Variants in KATNBL1 observed in about 807,000 individuals in gnomAD.
The protein encoded by KATNBL1 is katanin regulatory subunit B1 like 1.
In KATNBL1, 28 loss-of-function variants were observed where a neutral mutation model predicts 44.7. The observed-to-expected ratio is 0.63, with a 90% CI of 0.46 to 0.86. KATNBL1 has a LOEUF of 0.86. Ranked by LOEUF, KATNBL1 falls within the 40% of genes least tolerant of loss-of-function variation. The probability of loss-of-function intolerance (pLI) is 0.00; values close to 1 mark genes in which losing one functional copy is unlikely to be tolerated. For synonymous variants in KATNBL1, 78 were observed against 114.9 expected (o/e 0.68, Z 2.06); for missense variants, 272 against 350.7 (o/e 0.78, Z 1.79).
intron 1 of KATNBL1, among the ~76,000 whole-genome samples, chr15:34,188,579 T>C (rs916633656): frequency 6.6e-6 from 1 of 152,110 alleles, no homozygotes; most frequent in South Asian, 2.1e-4. Flanking sequence ...AAAAAAAGTT[T>C]TCCAGACTCT....
In KATNBL1 at chr15:34,193,453, G is replaced by A. The variant is rs371540992; in HGVS notation, c.-15+16498C>T. On this transcript the variant is annotated intron_variant, in intron 1 of 9. Transcript: ENST00000256544. The stretch of plus-strand genomic sequence containing the variant: ...GGAGGCTGAGACACAAGAATCGCCT[G>A]AACCTGGGATGCGGAGGTTGCAGTG... 2.3e-4 allele frequency among the ~76,000 whole-genome samples: 34 copies of A among 148,714 alleles called. No individual in the cohort carries two copies. The South Asian group carries it at 7.3e-3, about 32-fold the overall frequency.
At chr15:34,145,594 A>G (rs1888283827) in intron 8 of KATNBL1, 103 bp from the exon 9 acceptor site, 1 of 1,035,364 alleles carries the variant, frequency 9.7e-7, no homozygotes, top group African/African-American at 1.7e-5. Context: ...TTTTTCAGGT[A>G]TTTTTCAGGA....
chr15:34,205,600 T>C (rs1194896264), intron 1 of KATNBL1, among the ~76,000 whole-genome samples: 1 of 152,218 alleles, frequency 6.6e-6, no homozygotes, highest in Non-Finnish European at 1.5e-5. Flanking sequence ...ACTTTGCTAC[T>C]GCTGGGAGGT....
At chr15:34,188,293 C>T (rs546998492) in intron 1 of KATNBL1, among the ~76,000 whole-genome samples, 12 of 152,046 alleles carry the variant, frequency 7.9e-5, no homozygotes, top group African/African-American at 2.9e-4. Context: ...TGGTGGCTCA[C>T]ATCTGTAATC....
intron 8 of KATNBL1, chr15:34,146,452 C>T (rs967483170): frequency 3.0e-5 from 7 of 235,940 alleles, no homozygotes; most frequent in Non-Finnish European, 2.5e-5. Flanking sequence ...CCTTATTACA[C>T]TGTGGGCATC....
chr15:34,203,225 A>C (rs1890214572), intron 1 of KATNBL1, among the ~76,000 whole-genome samples: 1 of 152,268 alleles, frequency 6.6e-6, no homozygotes, highest in South Asian at 2.1e-4. Context: ...CAAGCCTGAA[A>C]TAAAGGATTC....
intron 1 of KATNBL1, among the ~76,000 whole-genome samples, chr15:34,190,323 A>C (rs1174784765): frequency 2.0e-5 from 3 of 152,220 alleles, no homozygotes; most frequent in Non-Finnish European, 2.9e-5. Flanking sequence ...ATGAATAATG[A>C]GTGCTATAAA....
chr15:34,162,601 T>C (rs1422014803), intron 2 of KATNBL1, among the ~76,000 whole-genome samples: 1 of 152,230 alleles, frequency 6.6e-6, no homozygotes, highest in Non-Finnish European at 1.5e-5. Context: ...AATTTTAATC[T>C]CTTTTCTTGT....
intron 1 of KATNBL1, among the ~76,000 whole-genome samples, chr15:34,196,019 A>T (rs1438057881): frequency 1.3e-5 from 2 of 152,232 alleles, no homozygotes; most frequent in Non-Finnish European, 2.9e-5. Context: ...TCAAAATAAT[A>T]AAAACTGGAA....
intron 9 of KATNBL1, 149 bp from the exon 10 acceptor site, chr15:34,142,520 C>G: frequency 2.6e-6 from 2 of 780,580 alleles, no homozygotes; most frequent in South Asian, 4.5e-5. Context: ...GTGCTTTTAT[C>G]TGCATTTGTT....
At chr15:34,149,578 C>T (rs754463198) in intron 4 of KATNBL1, among the ~76,000 whole-genome samples, 4 of 152,332 alleles carry the variant, frequency 2.6e-5, no homozygotes, top group African/African-American at 9.6e-5. Context: ...GCACCCAACA[C>T]AACACCCAAC....
At position 34,172,662 on chromosome 15, in the gene KATNBL1, C is replaced by T. The variant is rs1889200355; in HGVS notation, c.-14-8972G>A. 3.3e-5 allele frequency among the ~76,000 whole-genome samples: 5 copies of T among 152,048 alleles called. 1 individual carries two copies. The South Asian group carries it at 1.0e-3, about 32-fold the overall frequency. ...TGCCTCACAGAGGCTTGCAACCAGGCTTATACACTCCAGGGAAGAGTACAG... is the reference window on the plus strand; with the variant it reads ...TGCCTCACAGAGGCTTGCAACCAGGTTTATACACTCCAGGGAAGAGTACAG... On this transcript the variant is annotated intron_variant, in intron 1 of 9. Transcript: ENST00000256544.
At chr15:34,165,521 G>T (rs373588280) in intron 1 of KATNBL1, among the ~76,000 whole-genome samples, 1 of 152,204 alleles carries the variant, frequency 6.6e-6, no homozygotes, top group Non-Finnish European at 1.5e-5. Context: ...ACTTGATCAG[G>T]TGTGGTGGCT....
intron 1 of KATNBL1, among the ~76,000 whole-genome samples, chr15:34,181,841 CA>C (rs1567532397): frequency 0.052 from 1,959 of 37,850 alleles, 638 homozygotes; most frequent in African/African-American, 0.12. Flanking sequence ...CATATATATA[CA>C]CATATATATA....
At chr15:34,194,515 T>C (rs530601422) in intron 1 of KATNBL1, among the ~76,000 whole-genome samples, 1 of 152,186 alleles carries the variant, frequency 6.6e-6, no homozygotes, top group South Asian at 2.1e-4. Flanking sequence ...TCCAGCTACT[T>C]GGGAGGCTGA....
chr15:34,183,649 C>T (rs1597453521), intron 1 of KATNBL1, among the ~76,000 whole-genome samples: 1 of 152,020 alleles, frequency 6.6e-6, no homozygotes, highest in African/African-American at 2.4e-5. Context: ...GAGGAGGAAA[C>T]TAGAATAAAG....
At position 34,163,646 on chromosome 15, in the gene KATNBL1, G is replaced by GT. The variant is rs747482112; in HGVS notation, c.30dup (p.Arg11ThrfsTer5). ...TCCTCAATCTTATTACAAAAGTTCC[G>GT]TTTTTTAACATTGTGGGTTTCTGAT... On this transcript the variant is annotated frameshift_variant, in exon 2 of 10. Coordinates refer to ENST00000256544, the MANE Select transcript of KATNBL1 (RefSeq NM_024713.3). LOFTEE classifies it high-confidence loss of function. 2.8e-5 allele frequency: 44 copies of GT among 1,592,184 alleles called. No homozygotes were observed. Among genetic ancestry groups the GT allele is most frequent in the Non-Finnish European group, 3.5e-5 (41 of 1,171,758 alleles).
intron 2 of KATNBL1, among the ~76,000 whole-genome samples, chr15:34,158,740 T>C (rs1024613131): frequency 1.3e-5 from 2 of 152,204 alleles, no homozygotes; most frequent in Admixed American, 6.5e-5. Flanking sequence ...AATTTACATG[T>C]TTGGGCAGAC....
chr15:34,195,324 C>G (rs558808645), intron 1 of KATNBL1, among the ~76,000 whole-genome samples: 1 of 152,254 alleles, frequency 6.6e-6, no homozygotes, highest in East Asian at 1.9e-4. Flanking sequence ...AGGCCATTAT[C>G]TCAAGTAAAA....
Sources: allele counts gnomAD v4.1 joint callset (sites outside exome capture counted in the v4.1 genomes callset), GRCh38; gene constraint gnomAD v4.1.1; transcripts MANE v1.5; gene names NCBI Gene and HGNC (gene_info 2026-07-23, HGNC 2026-07-21).